Variants in PTK2B observed in about 807,000 individuals in gnomAD.
PTK2B encodes protein-tyrosine kinase 2-beta.
In PTK2B, 71 loss-of-function variants were observed where a neutral mutation model predicts 142.9. The observed-to-expected ratio is 0.50, with a 90% confidence interval of 0.41 to 0.61. The LOEUF is 0.61. Ranked by LOEUF, PTK2B falls within the 20% of genes least tolerant of loss-of-function variation. The pLI, the probability that PTK2B is intolerant of heterozygous loss-of-function variation, is 0.00. For synonymous variants in PTK2B, 519 were observed against 503.4 expected (o/e 1.03, Z -0.42); for missense variants, 1,105 against 1,320.4 (o/e 0.84, Z 2.53).
intron 1 of PTK2B, among the ~76,000 whole-genome samples, chr8:27,355,038 G>A (rs1805318511): frequency 1.3e-5 from 2 of 152,146 alleles, no homozygotes; most frequent in African/African-American, 4.8e-5. Context: ...ACTATACTTT[G>A]TTCTTATTCA....
chr8:27,456,971 T>G (rs962719064), intron 30 of PTK2B, among the ~76,000 whole-genome samples: 1 of 152,152 alleles, frequency 6.6e-6, no homozygotes, highest in Non-Finnish European at 1.5e-5. Flanking sequence ...TTCATGAGGC[T>G]CAAGGAAAGA....
At chr8:27,437,538 G>T (rs768266493) in intron 17 of PTK2B, 42 bp downstream of exon 17, 1 of 1,487,632 alleles carries the variant, frequency 6.7e-7, no homozygotes, top group South Asian at 1.2e-5. Context: ...GCTGCAGCAT[G>T]GGGGGCATTC....
intron 30 of PTK2B, 152 bp from the exon 31 acceptor site, chr8:27,458,142 G>A (rs1586377201): frequency 1.3e-5 from 9 of 717,756 alleles, no homozygotes; most frequent in Non-Finnish European, 1.9e-5. Context: ...CCTGCACGGG[G>A]TGTTGCATTC....
intron 1 of PTK2B, among the ~76,000 whole-genome samples, chr8:27,371,559 A>ATATG (rs1409085310): frequency 6.0e-5 from 9 of 150,316 alleles, no homozygotes; most frequent in African/African-American, 2.0e-4. Context: ...ATATATATAT[A>ATATG]TATTTTGAGA....
intron 1 of PTK2B, among the ~76,000 whole-genome samples, chr8:27,334,722 A>G (rs1034548575): frequency 1.3e-5 from 2 of 152,146 alleles, no homozygotes; most frequent in African/African-American, 4.8e-5. Flanking sequence ...GGAGTGAGCC[A>G]GACAGCGCTT....
At position 27,325,983 on chromosome 8, in the gene PTK2B, G is replaced by A. The variant is rs117002085; in HGVS notation, c.-38+302G>A. ...GAGGCTGGGGGAGGCTAGGGGTGAC[G>A]GTGTGAGGGCACAGCCAGGCTGCTG... On this transcript the variant is annotated intron_variant, in intron 1 of 30. Transcript: ENST00000346049. 1.1e-3 allele frequency among the ~76,000 whole-genome samples: 174 copies of A among 152,216 alleles called. 3 individuals carry two copies. In the East Asian group the frequency reaches 0.032, roughly 28 times the overall value.
chr8:27,317,341 G>A (rs1803116065), intron 3 of PTK2B, among the ~76,000 whole-genome samples: 1 of 152,146 alleles, frequency 6.6e-6, no homozygotes, highest in Non-Finnish European at 1.5e-5. Context: ...AGATACATTA[G>A]GGGCTCTGCT....
chr8:27,458,371 C>T lies in PTK2B; in HGVS notation c.2892C>T (p.Ala964=), dbSNP rs373204049. 1.1e-5 allele frequency: 17 copies of T among 1,613,720 alleles called. No individual in the cohort carries two copies. Among genetic ancestry groups the T allele is most frequent in the African/African-American group, 5.3e-5 (4 of 75,030 alleles). The change falls in exon 31 of 31, where the codon GCC becomes GCT. Residue 964 remains alanine (A), a synonymous_variant. Transcript: ENST00000346049. ...AGATGCGGCTGGCACAGCAGAACGC[C>T]GTGACCTCCCTAAGTGAGGAGTGCA... ...INKMRLAQQN[A]VTSLSEECKR...
chr8:27,315,903 T>C (rs901668450), intron 3 of PTK2B, among the ~76,000 whole-genome samples: 1 of 152,082 alleles, frequency 6.6e-6, no homozygotes, highest in Non-Finnish European at 1.5e-5. Context: ...CTGACCAACT[T>C]AGATGCTCTG....
intron 3 of PTK2B, among the ~76,000 whole-genome samples, chr8:27,317,457 C>G (rs1390520175): frequency 6.7e-6 from 1 of 149,536 alleles, no homozygotes; most frequent in African/African-American, 2.5e-5. Context: ...TTCCTTATGC[C>G]TTCTATTATT....
intron 8 of PTK2B, 178 bp from the exon 9 acceptor site, chr8:27,431,220 G>A: frequency 2.0e-6 from 3 of 1,485,180 alleles, no homozygotes; most frequent in South Asian, 2.7e-5. Flanking sequence ...GCTCTGGGAG[G>A]TGGGCAGGAC....
chr8:27,431,081 A>G, intron 8 of PTK2B, 65 bp downstream of exon 8: 1 of 1,567,716 alleles, frequency 6.4e-7, no homozygotes, highest in Non-Finnish European at 8.7e-7. Flanking sequence ...AAAGGGGGCC[A>G]GGAGGGGGCA....
intron 1 of PTK2B, among the ~76,000 whole-genome samples, chr8:27,389,280 G>A (rs1807563517): frequency 6.6e-6 from 1 of 152,066 alleles, no homozygotes. Flanking sequence ...AAAGAAGAAA[G>A]GAGGGAGGGA....
intron 10 of PTK2B, 64 bp downstream of exon 10, chr8:27,432,425 C>G: frequency 6.7e-7 from 1 of 1,493,416 alleles, no homozygotes; most frequent in Non-Finnish European, 9.2e-7. Context: ...AGATTGGGAG[C>G]TCTTGCTCAG....
intron 5 of PTK2B, among the ~76,000 whole-genome samples, chr8:27,428,154 C>G (rs1810197488): frequency 6.6e-6 from 1 of 152,148 alleles, no homozygotes; most frequent in Non-Finnish European, 1.5e-5. Context: ...AGATCCCTCA[C>G]ATACATGGTT....
rs371491406 is a variant in PTK2B at position 27,436,725 on chromosome 8, C to T, written c.1341+377C>T. On this transcript the variant is annotated intron_variant, in intron 15 of 30. Transcript: ENST00000346049. ...AGGGTAAGGCTGACCGCTGTGGTAA[C>T]GCTTCTAGCAGGCCCAGGGGAAGAA... is the stretch of plus-strand genomic sequence containing the variant. Among the ~76,000 whole-genome samples the T allele has an allele frequency of 7.9e-5, 12 of 152,096 alleles. No individual in the cohort carries two copies. The South Asian group carries it at 8.3e-4, about 11-fold the overall frequency.
chr8:27,386,085 T>C lies in PTK2B; in HGVS notation c.-37-11463T>C, dbSNP rs17057067. ...CAGTTCTAAATGTGGATTGTGTTTTTATGTAGTTCTAATCAGTATGTAAAT... is the reference window on the plus strand; with the variant it reads ...CAGTTCTAAATGTGGATTGTGTTTTCATGTAGTTCTAATCAGTATGTAAAT... On this transcript the variant is annotated intron_variant, in intron 1 of 30. Coordinates refer to ENST00000346049, the MANE Select transcript of PTK2B (RefSeq NM_173176.3). 8.4e-3 allele frequency among the ~76,000 whole-genome samples: 1,287 copies of C among 152,330 alleles called. 16 individuals are homozygous for C. Among genetic ancestry groups the C allele is most frequent in the African/African-American group, 0.03 (1,246 of 41,570 alleles).
intron 1 of PTK2B, among the ~76,000 whole-genome samples, chr8:27,344,013 A>G (rs899706666): frequency 4.6e-5 from 7 of 152,146 alleles, no homozygotes; most frequent in Non-Finnish European, 8.8e-5. Flanking sequence ...AAAAAAATAA[A>G]TAAATAAAAA....
At chr8:27,326,110 C>A (rs1803399486) in intron 1 of PTK2B, among the ~76,000 whole-genome samples, 1 of 152,132 alleles carries the variant, frequency 6.6e-6, no homozygotes, top group Admixed American at 6.5e-5. Context: ...TAGTCTCACC[C>A]CCAGCCCACC....
Sources: gnomAD v4.1 joint callset for allele counts (sites outside exome capture counted in the v4.1 genomes callset) on GRCh38, gnomAD v4.1.1 for gene constraint, MANE v1.5 for transcripts, NCBI Gene and HGNC (gene_info 2026-07-23, HGNC 2026-07-21) for gene names.